The following MTHFD1L variants were observed in gnomAD, a reference collection of about 807,000 sequenced individuals.
MTHFD1L encodes methylenetetrahydrofolate dehydrogenase (NADP+ dependent) 1 like.
In MTHFD1L, 81 loss-of-function variants were observed where a neutral mutation model predicts 119.5. The ratio of observed to expected loss-of-function variants is 0.68; its 90% CI spans 0.57 to 0.82. The LOEUF is 0.82. Among genes scored for constraint, MTHFD1L ranks in the 40% least tolerant of loss-of-function variants. MTHFD1L has a pLI of 0.00. For synonymous variants in MTHFD1L, 430 were observed against 475.2 expected (o/e 0.90, Z 1.24); for missense variants, 1,125 against 1,253.4 (o/e 0.90, Z 1.55).
intron 20 of MTHFD1L, among the ~76,000 whole-genome samples, chr6:150,980,547 T>C (rs542017019): frequency 1.3e-5 from 2 of 152,238 alleles, no homozygotes; most frequent in South Asian, 4.1e-4. Flanking sequence ...AATCTTAACA[T>C]GTCGCTGTGT....
In MTHFD1L at chr6:151,070,810, C is replaced by G. The variant is rs543787904; in HGVS notation, c.2848-21657C>G. Among the ~76,000 whole-genome samples, 166 of 152,300 alleles carry G rather than the reference C, an allele frequency of 1.1e-3. 1 individual carries two copies. Among genetic ancestry groups the G allele is most frequent in the African/African-American group, 3.8e-3 (159 of 41,570 alleles). ...ATGTTTGGGTAATAAAATAAACATA[C>G]CAAACCATCTCAGGAATCCCTAACC... On this transcript the variant is annotated intron_variant, in intron 26 of 27. Coordinates refer to ENST00000367321, the MANE Select transcript of MTHFD1L (RefSeq NM_015440.5).
At chr6:150,971,202 A>AT (rs1431013614) in intron 19 of MTHFD1L, among the ~76,000 whole-genome samples, 1 of 151,960 alleles carries the variant, frequency 6.6e-6, no homozygotes, top group African/African-American at 2.4e-5. Context: ...TTTATTTATT[A>AT]TTTTTTTCAT....
intron 19 of MTHFD1L, among the ~76,000 whole-genome samples, chr6:150,968,662 A>AC (rs1687354839): frequency 6.6e-6 from 1 of 150,538 alleles, no homozygotes; most frequent in South Asian, 2.1e-4. Flanking sequence ...GGCGCCTGCC[A>AC]CCACACCCGG....
chr6:150,912,083 C>CA (rs926810917), intron 8 of MTHFD1L, among the ~76,000 whole-genome samples: 18 of 152,034 alleles, frequency 1.2e-4, no homozygotes, highest in Admixed American at 2.6e-4. Flanking sequence ...AGAACAGCAC[C>CA]AATGGGATGG....
chr6:151,047,236 C>G (rs1189318390), intron 26 of MTHFD1L, among the ~76,000 whole-genome samples: 1 of 152,112 alleles, frequency 6.6e-6, no homozygotes, highest in Non-Finnish European at 1.5e-5. Flanking sequence ...GTCACTGTTT[C>G]CAAGAACCTA....
intron 11 of MTHFD1L, among the ~76,000 whole-genome samples, chr6:150,929,765 C>A (rs1790688017): frequency 6.6e-6 from 1 of 152,170 alleles, no homozygotes. Flanking sequence ...TTTTCAAGAA[C>A]AGATTAAACA....
intron 9 of MTHFD1L, 58 bp from the exon 10 acceptor site, chr6:150,922,144 AAGT>A (rs1311292202): frequency 5.0e-6 from 6 of 1,199,716 alleles, no homozygotes; most frequent in Non-Finnish European, 7.4e-6. Context: ...TCCATGGTTT[AAGT>A]GTGTGCCCTG....
chr6:150,878,503 T>C (rs7742768), intron 4 of MTHFD1L, among the ~76,000 whole-genome samples: 11,413 of 152,168 alleles, frequency 0.075, 622 homozygotes, highest in East Asian at 0.22. Flanking sequence ...CCACCCTCCT[T>C]GGCCTCCCAA....
chr6:150,996,890 C>G (rs1229167954), intron 20 of MTHFD1L, among the ~76,000 whole-genome samples: 1 of 152,208 alleles, frequency 6.6e-6, no homozygotes, highest in Non-Finnish European at 1.5e-5. Flanking sequence ...TTCATCCCCT[C>G]TGCCTTGAAT....
intron 20 of MTHFD1L, among the ~76,000 whole-genome samples, chr6:150,989,730 T>C (rs1472492592): frequency 3.3e-5 from 5 of 152,180 alleles, no homozygotes; most frequent in African/African-American, 7.2e-5. Flanking sequence ...TAAAACTTTA[T>C]TGAAAGACAA....
intron 15 of MTHFD1L, among the ~76,000 whole-genome samples, chr6:150,948,794 C>CCG (rs1339792336): frequency 3.4e-4 from 49 of 144,550 alleles, no homozygotes; most frequent in South Asian, 4.5e-4. Context: ...GCATGCGCCA[C>CCG]CATGCCCAGC....
intron 21 of MTHFD1L, among the ~76,000 whole-genome samples, chr6:151,012,937 A>C (rs995145520): frequency 1.3e-5 from 2 of 152,162 alleles, no homozygotes; most frequent in Non-Finnish European, 2.9e-5. Context: ...TGGTCAGTTG[A>C]GACCCACCCA....
At chr6:151,092,009 G>A (rs749410434) in intron 26 of MTHFD1L, among the ~76,000 whole-genome samples, 3 of 152,118 alleles carry the variant, frequency 2.0e-5, no homozygotes, top group South Asian at 2.1e-4. Context: ...CCGGGGTGAC[G>A]ACTGGCATCT....
At chr6:151,036,406 C>CT (rs895046271) in intron 25 of MTHFD1L, among the ~76,000 whole-genome samples, 1 of 152,170 alleles carries the variant, frequency 6.6e-6, no homozygotes, top group Non-Finnish European at 1.5e-5. Context: ...GCTCTTTCAC[C>CT]TTTGGAACTC....
chr6:151,034,343 A>G (rs1161165073), intron 24 of MTHFD1L, 150 bp from the exon 25 acceptor site: 1 of 628,982 alleles, frequency 1.6e-6, no homozygotes, highest in African/African-American at 1.8e-5. Context: ...CTAAAAGGAA[A>G]AAAGAGGGTT....
At chr6:151,002,862 T>C (rs1368519628) in intron 20 of MTHFD1L, among the ~76,000 whole-genome samples, 1 of 152,202 alleles carries the variant, frequency 6.6e-6, no homozygotes, top group Non-Finnish European at 1.5e-5. Flanking sequence ...GCCTCAGTGC[T>C]ATGGAGACCT....
rs915044886 is a variant in MTHFD1L, at chr6:150,926,408, C to T, written c.1256+113C>T. The T allele has an allele frequency of 9.7e-5, 99 of 1,023,618 alleles. No individual in the cohort carries two copies. The highest frequency in any genetic ancestry group is 3.8e-4 in the East Asian group (15 of 39,236). 63.4% of individuals were successfully genotyped at this position (1,023,618 alleles called of 1,614,324 possible). ...CATCCTATTCTCACATTTGACATTTCGTCCATTTCATTTGGCATTTCTTTA... is the reference window on the plus strand; with the variant it reads ...CATCCTATTCTCACATTTGACATTTTGTCCATTTCATTTGGCATTTCTTTA... On this transcript the variant is annotated intron_variant, in intron 11 of 27. Coordinates refer to ENST00000367321, the MANE Select transcript of MTHFD1L (RefSeq NM_015440.5). The surrounding 1 kb of genome is among the most constrained non-coding windows in gnomAD (Gnocchi z 4.3).
intron 4 of MTHFD1L, among the ~76,000 whole-genome samples, chr6:150,880,183 A>G (rs1781173538): frequency 2.0e-5 from 3 of 152,190 alleles, no homozygotes; most frequent in Non-Finnish European, 4.4e-5. Flanking sequence ...ACTATGTAAG[A>G]GAACACTGGA....
intron 21 of MTHFD1L, among the ~76,000 whole-genome samples, chr6:151,011,561 G>A (rs887662715): frequency 9.2e-5 from 14 of 152,272 alleles, no homozygotes; most frequent in Middle Eastern, 3.4e-3. Flanking sequence ...CCAGACTCTG[G>A]TCTCTGTCCT....
Sources: allele counts gnomAD v4.1 joint callset (sites outside exome capture counted in the v4.1 genomes callset), GRCh38; gene constraint gnomAD v4.1.1; non-coding constraint Gnocchi (gnomAD v3.1); transcripts MANE v1.5; gene names NCBI Gene and HGNC (gene_info 2026-07-23, HGNC 2026-07-21).